SLF1: variants seen among roughly 807,000 people sequenced by gnomAD.
The protein encoded by SLF1 is SMC5/6 complex localization factor 1, also known as SMC5-SMC6 complex localization factor protein 1.
A neutral mutation model predicts 123.0 loss-of-function variants in SLF1; 105 were observed. That is an observed-to-expected ratio of 0.85 (90% confidence interval 0.73 to 1.00). The LOEUF (loss-of-function observed/expected upper bound fraction) is 1.00. Among genes scored for constraint, SLF1 ranks in the 50% least tolerant of loss-of-function variants. SLF1 has a pLI of 0.00. For missense variants in SLF1, 1,239 were observed against 1,223.0 expected (o/e 1.01, Z -0.20); for synonymous variants, 434 against 406.6 (o/e 1.07, Z -0.81).
chr5:94,621,283 A>G (rs963135783), intron 1 of SLF1, among the ~76,000 whole-genome samples: 3 of 152,190 alleles, frequency 2.0e-5, no homozygotes, highest in Admixed American at 1.3e-4. Context: ...AAAGACTTAT[A>G]TGTGCATCTT....
rs767678072 is a variant in SLF1 at position 94,654,764 on chromosome 5, C to T, written c.1155+12C>T. On this transcript the variant is annotated intron_variant, in intron 9 of 20. Coordinates refer to ENST00000265140, the MANE Select transcript of SLF1 (RefSeq NM_032290.4). ...TATATAGAGCTCAGGTAAAACTTGG[C>T]ACATGAAAAATTTTGTATAATATCG... is the stretch of plus-strand genomic sequence containing the variant. The T allele has an allele frequency of 6.8e-7, 1 of 1,481,266 alleles. No homozygotes were observed. Among genetic ancestry groups the T allele is most frequent in the Non-Finnish European group, 9.0e-7 (1 of 1,116,414 alleles). 91.8% of individuals were successfully genotyped at this position (1,481,266 alleles called of 1,614,324 possible).
chr5:94,638,335 C>T (rs916458487), intron 4 of SLF1, among the ~76,000 whole-genome samples: 4 of 152,074 alleles, frequency 2.6e-5, no homozygotes, highest in Non-Finnish European at 5.9e-5. Flanking sequence ...CCCGCCACCA[C>T]GCCAGCTAAT....
chr5:94,643,480 C>A, intron 5 of SLF1, 45 bp downstream of exon 5: 1 of 1,265,254 alleles, frequency 7.9e-7, no homozygotes, highest in Non-Finnish European at 1.0e-6. Context: ...TTCATGTGTT[C>A]ATTTTATAAA....
chr5:94,643,588 A>G (rs1019000644), intron 5 of SLF1, among the ~76,000 whole-genome samples, 153 bp downstream of exon 5: 1 of 152,146 alleles, frequency 6.6e-6, no homozygotes, highest in African/African-American at 2.4e-5. Flanking sequence ...AGTGGCTCTC[A>G]ATTACTTAAA....
In SLF1 at chr5:94,688,599, G is replaced by A; in HGVS notation, c.2215G>A (p.Asp739Asn). ...GAAAATAGGACAGCGGCCTTGTTTT[G>A]ACTCTCAGAGAACCTTACTAATGCT... ...SKKIGQRPCF[D>N]SQRTLLMLNG... The change falls in exon 17 of 21, where the codon GAC becomes AAC. Residue 739 changes from aspartate (D) to asparagine (N), a missense_variant. Coordinates refer to ENST00000265140, the MANE Select transcript of SLF1 (RefSeq NM_032290.4). 1.2e-6 allele frequency: 2 copies of A among 1,614,100 alleles called. No individual in the cohort carries two copies. The highest frequency in any genetic ancestry group is 1.7e-6 in the Non-Finnish European group (2 of 1,179,976).
chr5:94,630,368 A>G (rs1585105062), intron 3 of SLF1, 135 bp from the exon 4 acceptor site: 1 of 1,023,396 alleles, frequency 9.8e-7, no homozygotes, highest in Non-Finnish European at 1.4e-6. Flanking sequence ...CAAAATGCAT[A>G]GTTCAAAGAT....
intron 9 of SLF1, among the ~76,000 whole-genome samples, chr5:94,657,681 C>G (rs1410221560): frequency 1.3e-5 from 2 of 151,986 alleles, no homozygotes; most frequent in Admixed American, 6.6e-5. Context: ...CTGTCTCCCT[C>G]TAGATCTAGG....
chr5:94,693,054 A>G (rs1387721217), intron 20 of SLF1, among the ~76,000 whole-genome samples: 2 of 152,150 alleles, frequency 1.3e-5, no homozygotes, highest in Non-Finnish European at 2.9e-5. Context: ...TTTTATTTGT[A>G]TTAATTTTAC....
In SLF1 at chr5:94,643,370, A is replaced by G; in HGVS notation, c.529A>G (p.Lys177Glu). Residue 177 changes from lysine to glutamate, a missense_variant, in exon 5 of 21, where the codon AAA becomes GAA. Transcript: ENST00000265140. ...IASNARIKAE[K>E]EKDNFKAPFY... ...CAGTAATGCAAGAATTAAAGCTGAG[A>G]AAGAAAAAGATAACTTTAAGGCTCC... 6.5e-7 allele frequency: 1 copy of G among 1,544,012 alleles called. No homozygotes were observed. The highest frequency in any genetic ancestry group is 1.4e-5 in the African/African-American group (1 of 72,854).
intron 1 of SLF1, among the ~76,000 whole-genome samples, chr5:94,622,136 A>G (rs1239410252): frequency 6.6e-6 from 1 of 152,170 alleles, no homozygotes; most frequent in African/African-American, 2.4e-5. Flanking sequence ...ACCTTTTGCA[A>G]TATTGGTTCA....
At chr5:94,635,166 A>G (rs766580087) in intron 4 of SLF1, among the ~76,000 whole-genome samples, 7 of 151,934 alleles carry the variant, frequency 4.6e-5, no homozygotes, top group Non-Finnish European at 1.0e-4. Flanking sequence ...TTGCAGTTTC[A>G]GGTATAATGT....
intron 4 of SLF1, among the ~76,000 whole-genome samples, chr5:94,633,033 C>T (rs1745375802): frequency 6.6e-6 from 1 of 151,628 alleles, no homozygotes; most frequent in Non-Finnish European, 1.5e-5. Flanking sequence ...TCTTGTTGCC[C>T]CGGCTGGAGT....
At chr5:94,682,929 T>C (rs1751982483) in intron 15 of SLF1, among the ~76,000 whole-genome samples, 1 of 152,218 alleles carries the variant, frequency 6.6e-6, no homozygotes, top group African/African-American at 2.4e-5. Context: ...TTTGCAGTTG[T>C]AGTAAGAAAG....
At chr5:94,692,694 C>G (rs1376369499) in intron 20 of SLF1, among the ~76,000 whole-genome samples, 1 of 152,032 alleles carries the variant, frequency 6.6e-6, no homozygotes, top group East Asian at 1.9e-4. Flanking sequence ...TGAGTCATTT[C>G]TGTACAGACT....
chr5:94,647,312 GA>G (rs1228138876), intron 5 of SLF1, among the ~76,000 whole-genome samples: 1 of 152,172 alleles, frequency 6.6e-6, no homozygotes, highest in African/African-American at 2.4e-5. Flanking sequence ...TGCCTTTCTT[GA>G]TTTATATGTC....
chr5:94,648,106 CA>C (rs1483197390), intron 5 of SLF1, among the ~76,000 whole-genome samples: 1 of 152,168 alleles, frequency 6.6e-6, no homozygotes, highest in Non-Finnish European at 1.5e-5. Flanking sequence ...CTCCCATTAC[CA>C]ACCATGTAAA....
chr5:94,661,539 GTT>G (rs202036711), intron 9 of SLF1, among the ~76,000 whole-genome samples: 1 of 141,208 alleles, frequency 7.1e-6, no homozygotes. Flanking sequence ...TTGTTTTTTT[GTT>G]TTTTTTTTTT....
chr5:94,668,397 G>A (rs983047106), intron 12 of SLF1, among the ~76,000 whole-genome samples: 2 of 151,952 alleles, frequency 1.3e-5, no homozygotes, highest in African/African-American at 2.4e-5. Context: ...GCAGTGGTGC[G>A]ATCTCGGCTC....
chr5:94,648,013 A>T (rs149618897), intron 5 of SLF1, among the ~76,000 whole-genome samples: 241 of 152,282 alleles, frequency 1.6e-3, no homozygotes, highest in African/African-American at 5.5e-3. Flanking sequence ...TGTTCCCTGC[A>T]TTCTCCATAA....
Sources: allele counts gnomAD v4.1 joint callset (sites outside exome capture counted in the v4.1 genomes callset), GRCh38; gene constraint gnomAD v4.1.1; transcripts MANE v1.5; gene names NCBI Gene and HGNC (gene_info 2026-07-23, HGNC 2026-07-21).